GSE1: variants seen among roughly 807,000 people sequenced by gnomAD.
GSE1 encodes Gse1 coiled-coil protein, also known as genetic suppressor element 1.
In GSE1, 32 loss-of-function variants were observed where a neutral mutation model predicts 112.6. That is an observed-to-expected ratio of 0.28 (90% CI 0.21 to 0.38). The LOEUF (loss-of-function observed/expected upper bound fraction) is 0.38. Ranked by LOEUF, GSE1 falls within the 10% of genes least tolerant of loss-of-function variation. The pLI is 1.00. For synonymous variants in GSE1, 1,115 were observed against 735.6 expected (o/e 1.52, Z -8.35); for missense variants, 2,348 against 1,699.2 (o/e 1.38, Z -6.71).
chr16:85,578,840 G>A (rs988641116), intron 1 of GSE1, among the ~76,000 whole-genome samples: 59 of 151,488 alleles, frequency 3.9e-4, no homozygotes, highest in African/African-American at 1.3e-3. Flanking sequence ...CGTGCACCCC[G>A]GTCACTCACC....
Position 85,247,281 on chromosome 16 carries a change from G to A in GSE1, c.2283+75474G>A, listed in dbSNP as rs532542089. ...CACCTAGAAAAGACCTAGTGGGTAG[G>A]GAGTGCTCCACAATTGTGTGTTGTT... On this transcript the variant is annotated intron_variant, in intron 1 of 2. Transcript: ENST00000637419. 2.0e-5 allele frequency among the ~76,000 whole-genome samples: 3 copies of A among 152,292 alleles called. No homozygotes were observed. The South Asian group carries it at 6.2e-4, about 32-fold the overall frequency.
intron 1 of GSE1, among the ~76,000 whole-genome samples, chr16:85,588,813 C>T (rs1391829532): frequency 6.6e-6 from 1 of 152,110 alleles, no homozygotes; most frequent in Non-Finnish European, 1.5e-5. Context: ...GAGGACAGCC[C>T]AGATAAGCAC....
At chr16:85,360,833 C>G (rs139761593) in intron 2 of GSE1, among the ~76,000 whole-genome samples, 3 of 152,046 alleles carry the variant, frequency 2.0e-5, no homozygotes, top group African/African-American at 7.2e-5. Context: ...CACACAGATA[C>G]ACACACAGAA....
At chr16:85,573,449 C>G (rs1040512100) in intron 1 of GSE1, among the ~76,000 whole-genome samples, 1 of 152,124 alleles carries the variant, frequency 6.6e-6, no homozygotes, top group Non-Finnish European at 1.5e-5. Flanking sequence ...TTTTGTGTGT[C>G]TGTATGTTTT....
At chr16:85,511,239 C>T (rs113335695) in intron 2 of GSE1, among the ~76,000 whole-genome samples, 45 of 152,276 alleles carry the variant, frequency 3.0e-4, no homozygotes, top group African/African-American at 8.7e-4. Flanking sequence ...ATGCCTCCCC[C>T]CTCCAGGCTG....
At chr16:85,425,403 G>A (rs764105556) in intron 2 of GSE1, among the ~76,000 whole-genome samples, 5 of 152,052 alleles carry the variant, frequency 3.3e-5, no homozygotes, top group Non-Finnish European at 5.9e-5. Context: ...GATGGATCTG[G>A]GACTGACCTT....
At chr16:85,410,344 C>G (rs1241265839) in intron 2 of GSE1, among the ~76,000 whole-genome samples, 1 of 65,356 alleles carries the variant, frequency 1.5e-5, no homozygotes, top group African/African-American at 1.1e-4. Context: ...CTGGATAATC[C>G]TCACTGTTAC....
intron 2 of GSE1, among the ~76,000 whole-genome samples, chr16:85,641,949 A>G (rs1332593453): frequency 6.6e-6 from 1 of 152,206 alleles, no homozygotes; most frequent in Admixed American, 6.5e-5. Flanking sequence ...TTGGGTGGAA[A>G]CAGGTCGGTA....
intron 2 of GSE1, among the ~76,000 whole-genome samples, chr16:85,510,406 G>GCGTGTGTGTGTGTC (rs929107576): frequency 6.6e-6 from 1 of 150,746 alleles, no homozygotes; most frequent in Non-Finnish European, 1.5e-5. Flanking sequence ...GCCCGAGCGT[G>GCGTGTGTGTGTGTC]CGTGTGTGTG....
intron 1 of GSE1, among the ~76,000 whole-genome samples, chr16:85,321,466 G>A (rs1420928873): frequency 6.6e-6 from 1 of 152,050 alleles, no homozygotes; most frequent in Non-Finnish European, 1.5e-5. Context: ...GCCCCTGTTT[G>A]TACTAAAAAT....
chr16:85,551,480 C>G (rs12933294), upstream of GSE1, among the ~76,000 whole-genome samples: 59,593 of 152,072 alleles, frequency 0.39, 12,209 homozygotes, highest in Middle Eastern at 0.54. Flanking sequence ...ACAGTGGGAA[C>G]GGGAAAATCC....
chr16:85,324,257 C>T (rs1373634932), intron 1 of GSE1, among the ~76,000 whole-genome samples: 1 of 152,188 alleles, frequency 6.6e-6, no homozygotes, highest in East Asian at 1.9e-4. Flanking sequence ...CGCCTGTAAT[C>T]CCATCACTTT....
At chr16:85,653,319 C>T (rs867859246) in intron 3 of GSE1, among the ~76,000 whole-genome samples, 1 of 46,542 alleles carries the variant, frequency 2.1e-5, no homozygotes, top group African/African-American at 8.1e-5. Context: ...CCTCCTCCTC[C>T]TCCTCCCACT....
At chr16:85,619,257 C>T (rs1190519943) in intron 1 of GSE1, among the ~76,000 whole-genome samples, 1 of 152,252 alleles carries the variant, frequency 6.6e-6, no homozygotes, top group Admixed American at 6.5e-5. Flanking sequence ...TCCCCCAGCC[C>T]TGCCCTTCCT....
chr16:85,210,079 T>C (rs1269597271), intron 1 of GSE1, among the ~76,000 whole-genome samples: 1 of 152,220 alleles, frequency 6.6e-6, no homozygotes, highest in African/African-American at 2.4e-5. Context: ...GCTGGTGAGC[T>C]GCAAAAATAT....
intron 1 of GSE1, among the ~76,000 whole-genome samples, chr16:85,343,107 C>A (rs1416701469): frequency 6.6e-6 from 1 of 151,982 alleles, no homozygotes; most frequent in Non-Finnish European, 1.5e-5. Context: ...TCCTGTTAAA[C>A]CCAAAATCAG....
chr16:85,343,304 G>C (rs888719817), intron 1 of GSE1, among the ~76,000 whole-genome samples: 4 of 152,164 alleles, frequency 2.6e-5, no homozygotes, highest in Admixed American at 2.6e-4. Flanking sequence ...AGGTGACCGA[G>C]TTCTAGAATG....
At chr16:85,508,829 G>A (rs558877494) in intron 2 of GSE1, among the ~76,000 whole-genome samples, 8 of 152,308 alleles carry the variant, frequency 5.3e-5, no homozygotes, top group East Asian at 1.9e-4. Context: ...AGAAAGGTTC[G>A]TAACTGTGTG....
In GSE1 at chr16:85,542,963, C is replaced by T. The variant is rs113447129; in HGVS notation, c.2465-90951C>T. The stretch of plus-strand genomic sequence containing the variant: ...CTCCTTGTAGCCGGGCGTGGTGGCT[C>T]ATGCCTGTAATCCCAGCACTTTGGG... On this transcript the variant is annotated intron_variant, in intron 2 of 2. Transcript: ENST00000637419. Among the ~76,000 whole-genome samples, 418 of 152,340 alleles carry T rather than the reference C, an allele frequency of 2.7e-3. 2 individuals are homozygous for T. Among genetic ancestry groups the T allele is most frequent in the Non-Finnish European group, 3.6e-3 (247 of 68,038 alleles).
Sources: gnomAD v4.1 joint callset for allele counts (sites outside exome capture counted in the v4.1 genomes callset) on GRCh38, gnomAD v4.1.1 for gene constraint, MANE v1.5 for transcripts, NCBI Gene and HGNC (gene_info 2026-07-23, HGNC 2026-07-21) for gene names.